VTI1A: variants seen among roughly 807,000 people sequenced by gnomAD.
VTI1A encodes the protein vesicle transport through interaction with t-SNAREs 1A.
Under a neutral mutation model 34.9 loss-of-function variants are expected in VTI1A, and 22 were observed. That is an observed-to-expected ratio of 0.63 (90% CI 0.45 to 0.90). The LOEUF is 0.90. Ranked by LOEUF, VTI1A falls within the 40% of genes least tolerant of loss-of-function variation. The pLI is 0.00. For synonymous variants in VTI1A, 87 were observed against 97.3 expected (o/e 0.89, Z 0.62); for missense variants, 268 against 275.6 (o/e 0.97, Z 0.20).
intron 3 of VTI1A, among the ~76,000 whole-genome samples, chr10:112,480,571 G>T (rs1848428599): frequency 6.6e-6 from 1 of 152,156 alleles, no homozygotes. Flanking sequence ...TGTGTAGGAA[G>T]TGAGGGTTTT....
chr10:112,775,904 A>G (rs953177680), intron 7 of VTI1A, among the ~76,000 whole-genome samples: 4 of 152,186 alleles, frequency 2.6e-5, no homozygotes, highest in Non-Finnish European at 4.4e-5. Context: ...TAAATGTGCA[A>G]TCTGATCTTT....
chr10:112,817,610 G>C lies in VTI1A; in HGVS notation c.*2227G>C. 1 of 229,154 alleles carries C rather than the reference G, an allele frequency of 4.4e-6. No individual in the cohort carries two copies. Among genetic ancestry groups the C allele is most frequent in the Non-Finnish European group, 8.7e-6 (1 of 115,506 alleles). 14.2% of individuals were successfully genotyped at this position (229,154 alleles called of 1,614,324 possible). ...TAGTGAGTGCTTTGTGAGGAAGCTG[G>C]TCAGAAGGTTCCCTCAACTCCTTCC... On this transcript the variant is annotated 3_prime_UTR_variant, in exon 8 of 8. Transcript: ENST00000393077.
chr10:112,592,191 C>G (rs1048598369), intron 5 of VTI1A, among the ~76,000 whole-genome samples: 1 of 152,202 alleles, frequency 6.6e-6, no homozygotes, highest in African/African-American at 2.4e-5. Flanking sequence ...GAAATGAACA[C>G]AGCCTGGGCA....
the VTI1A span, among the ~76,000 whole-genome samples, chr10:112,849,784 A>G: frequency 1.3e-5 from 2 of 152,224 alleles, no homozygotes; most frequent in Non-Finnish European, 2.9e-5. Flanking sequence ...CTGAATGCAC[A>G]ATGGCATCAT....
chr10:112,854,981 CAG>C, the VTI1A span, among the ~76,000 whole-genome samples: 1 of 152,166 alleles, frequency 6.6e-6, no homozygotes, highest in African/African-American at 2.4e-5. Context: ...TTTGAGTTCA[CAG>C]AGAGTCTGCC....
chr10:112,687,358 C>T (rs1018181760), intron 7 of VTI1A, among the ~76,000 whole-genome samples: 7 of 150,820 alleles, frequency 4.6e-5, no homozygotes, highest in African/African-American at 1.5e-4. Context: ...CTCAGCCTCC[C>T]GAGTAGCTGG....
chr10:112,608,996 A>C (rs1845191493), intron 5 of VTI1A, among the ~76,000 whole-genome samples: 1 of 152,206 alleles, frequency 6.6e-6, no homozygotes, highest in South Asian at 2.1e-4. Context: ...AAAATATTTT[A>C]ACAAAATGTA....
At chr10:112,848,657 A>C in the VTI1A span, among the ~76,000 whole-genome samples, 1 of 152,232 alleles carries the variant, frequency 6.6e-6, no homozygotes, top group Non-Finnish European at 1.5e-5. Context: ...TCAATTATTC[A>C]GTCCAGCAAA....
intron 5 of VTI1A, among the ~76,000 whole-genome samples, chr10:112,574,867 C>G (rs1236929992): frequency 6.6e-6 from 1 of 152,210 alleles, no homozygotes. Context: ...TTGGCTGGTA[C>G]TAGACTATTG....
chr10:112,511,635 C>T (rs765368437), intron 3 of VTI1A, among the ~76,000 whole-genome samples: 4 of 152,152 alleles, frequency 2.6e-5, no homozygotes, highest in Non-Finnish European at 4.4e-5. Flanking sequence ...TCACTCTACT[C>T]TGCTGTCAGA....
intron 7 of VTI1A, among the ~76,000 whole-genome samples, chr10:112,724,691 A>G (rs74156808): frequency 0.013 from 1,912 of 152,092 alleles, 40 homozygotes; most frequent in African/African-American, 0.042. Context: ...CATGAACTCA[A>G]AAACTCTATA....
chr10:112,786,907 G>T (rs4918771), intron 7 of VTI1A, among the ~76,000 whole-genome samples: 70,700 of 151,948 alleles, frequency 0.47, 17,209 homozygotes, highest in East Asian at 0.68. Context: ...TTTTATCCGG[G>T]TGATACGGCC....
At position 112,493,037 on chromosome 10, in the gene VTI1A, A is replaced by G. The variant is rs1317209184; in HGVS notation, c.264+28380A>G. On this transcript the variant is annotated intron_variant, in intron 3 of 7. Coordinates refer to ENST00000393077, the MANE Select transcript of VTI1A (RefSeq NM_145206.4). ...TAGTTTTGCCTTTTCTAGAAATTTT[A>G]TATTAATTTGTTGAATAGAATCTGG... Among the ~76,000 whole-genome samples, 4 of 152,102 alleles carry G rather than the reference A, an allele frequency of 2.6e-5. No individual in the cohort carries two copies. The East Asian group carries it at 5.8e-4, about 22-fold the overall frequency.
chr10:112,516,709 A>G (rs1287614731), intron 3 of VTI1A, among the ~76,000 whole-genome samples: 1 of 152,102 alleles, frequency 6.6e-6, no homozygotes, highest in Non-Finnish European at 1.5e-5. Context: ...CTGGAAATAG[A>G]GCCAAGGGCC....
chr10:112,693,090 C>G (rs1042553607), intron 7 of VTI1A, among the ~76,000 whole-genome samples: 1 of 152,196 alleles, frequency 6.6e-6, no homozygotes, highest in African/African-American at 2.4e-5. Flanking sequence ...AGCACTCAAA[C>G]ATAGAATCAA....
chr10:112,712,474 TCACACACACACACACACA>T (rs60129148), intron 7 of VTI1A, among the ~76,000 whole-genome samples: 2 of 143,406 alleles, frequency 1.4e-5, no homozygotes, highest in Non-Finnish European at 3.0e-5. Flanking sequence ...TCAACTATTA[TCACACACACACACACACA>T]CACACACACA....
At chr10:112,822,039 CT>C (rs1853663932), downstream of VTI1A, among the ~76,000 whole-genome samples, 1 of 152,204 alleles carries the variant, frequency 6.6e-6, no homozygotes, top group Admixed American at 6.5e-5. Flanking sequence ...AGCTTCAGTC[CT>C]ACCAGCCACA....
intron 5 of VTI1A, among the ~76,000 whole-genome samples, chr10:112,618,510 T>TAGAGAGAGAG (rs1370121195): frequency 5.2e-3 from 167 of 32,288 alleles, no homozygotes; most frequent in Admixed American, 9.1e-3. Flanking sequence ...TATATATATA[T>TAGAGAGAGAG]ATATATATAT....
chr10:112,518,317 G>C (rs1261523110), intron 3 of VTI1A, among the ~76,000 whole-genome samples: 2 of 151,918 alleles, frequency 1.3e-5, no homozygotes, highest in Admixed American at 1.3e-4. Context: ...CAAGCTTAGC[G>C]TTCCAATAAT....
Sources: allele counts gnomAD v4.1 joint callset (sites outside exome capture counted in the v4.1 genomes callset), GRCh38; gene constraint gnomAD v4.1.1; transcripts MANE v1.5; gene names NCBI Gene and HGNC (gene_info 2026-07-23, HGNC 2026-07-21).